ZBTB38: variants seen among roughly 807,000 people sequenced by gnomAD.
The protein encoded by ZBTB38 is zinc finger and BTB domain-containing protein 38.
ZBTB38 carries 20 observed loss-of-function variants against 76.8 expected under a neutral mutation model. The ratio of observed to expected loss-of-function variants is 0.26; its 90% confidence interval spans 0.18 to 0.38. The LOEUF (loss-of-function observed/expected upper bound fraction) is 0.38. ZBTB38 is among the 10% of genes least tolerant of loss of function. ZBTB38 has a pLI of 1.00. For missense variants in ZBTB38, 1,082 were observed against 1,482.3 expected, an observed-to-expected ratio of 0.73 and a Z score of 4.43; for synonymous variants, 504 against 544.2, an observed-to-expected ratio of 0.93 and a Z score of 1.03.
chr3:141,391,126 C>T (rs1455747317), intron 4 of ZBTB38, among the ~76,000 whole-genome samples: 1 of 151,812 alleles, frequency 6.6e-6, no homozygotes, highest in Non-Finnish European at 1.5e-5. Flanking sequence ...TACTACTGCA[C>T]TCCAGCCTGG....
intron 1 of ZBTB38, among the ~76,000 whole-genome samples, chr3:141,355,202 G>C (rs1473601782): frequency 6.6e-6 from 1 of 152,024 alleles, no homozygotes; most frequent in Non-Finnish European, 1.5e-5. Context: ...TGGGTAACAG[G>C]TAAGAATGCT....
At chr3:141,426,248 C>G (rs2076357224) in intron 5 of ZBTB38, 12 of 1,200,172 alleles carry the variant, frequency 1.0e-5, no homozygotes, top group Non-Finnish European at 1.3e-5. Context: ...CAGCAGGATG[C>G]AAAAGCACAC....
At chr3:141,360,142 C>G (rs11925260) in intron 1 of ZBTB38, among the ~76,000 whole-genome samples, 4,225 of 152,286 alleles carry the variant, frequency 0.028, 73 homozygotes, top group African/African-American at 0.038. Context: ...GAACCAAGCT[C>G]TCTACAAAAG....
chr3:141,436,635 C>G (rs745937480), intron 5 of ZBTB38, among the ~76,000 whole-genome samples: 1 of 152,084 alleles, frequency 6.6e-6, no homozygotes, highest in African/African-American at 2.4e-5. Flanking sequence ...GTAGCTGGGA[C>G]TACAGGCACT....
chr3:141,404,359 T>C (rs1289117091), intron 5 of ZBTB38, among the ~76,000 whole-genome samples: 1 of 152,134 alleles, frequency 6.6e-6, no homozygotes, highest in Non-Finnish European at 1.5e-5. Flanking sequence ...CCCGGAGAGT[T>C]TAAATGACTC....
At chr3:141,396,857 A>G (rs1417265323) in intron 4 of ZBTB38, among the ~76,000 whole-genome samples, 1 of 152,236 alleles carries the variant, frequency 6.6e-6, no homozygotes, top group Non-Finnish European at 1.5e-5. Context: ...TGGGCTTAAA[A>G]TATTCACTAA....
chr3:141,345,268 CT>C (rs879866094), intron 1 of ZBTB38, among the ~76,000 whole-genome samples: 279 of 144,002 alleles, frequency 1.9e-3, no homozygotes, highest in Middle Eastern at 3.5e-3. Flanking sequence ...GATGGCAGAA[CT>C]TTTTTTTTTT....
chr3:141,354,019 C>G (rs1207990673), intron 1 of ZBTB38, among the ~76,000 whole-genome samples: 2 of 152,168 alleles, frequency 1.3e-5, no homozygotes, highest in African/African-American at 4.8e-5. Flanking sequence ...CTCAGGCCCT[C>G]TTGGTTGGAC....
Position 141,369,896 on chromosome 3 carries a change from G to C in ZBTB38, c.-285G>C, listed in dbSNP as rs532264764. ...GGTTGTCTTGAAGTGAGGCTCTGCT[G>C]TAGTCCTGTTCTTCTGGCTCTAAGA... On this transcript the variant is annotated 5_prime_UTR_variant, in exon 2 of 6. Transcript: ENST00000321464. 1 of 152,324 alleles carries C rather than the reference G, an allele frequency of 6.6e-6. No individual in the cohort carries two copies. The highest frequency in any genetic ancestry group is 1.9e-4 in the East Asian group (1 of 5,188). 9.4% of individuals were successfully genotyped at this position (152,324 alleles called of 1,614,324 possible).
At chr3:141,325,041 C>A (rs1379692269) in intron 1 of ZBTB38, among the ~76,000 whole-genome samples, 3 of 152,148 alleles carry the variant, frequency 2.0e-5, no homozygotes, top group Non-Finnish European at 4.4e-5. Context: ...TTTTCAAAAG[C>A]AAACTAAAAC....
At chr3:141,338,129 G>A (rs981708325) in intron 1 of ZBTB38, among the ~76,000 whole-genome samples, 1 of 152,134 alleles carries the variant, frequency 6.6e-6, no homozygotes, top group Non-Finnish European at 1.5e-5. Context: ...TTATTAAAAA[G>A]TCTAAAAATA....
In ZBTB38 at chr3:141,442,298, A is replaced by G. The variant is rs752714363; in HGVS notation, c.1-91A>G. 6.2e-5 allele frequency: 60 copies of G among 967,362 alleles called. No homozygotes were observed. Among genetic ancestry groups the G allele is most frequent in the Non-Finnish European group, 8.4e-5 (54 of 643,050 alleles). 59.9% of individuals were successfully genotyped at this position (967,362 alleles called of 1,614,324 possible). ...ATAAAAACCTGAAGTTTCATACAAAAGAACAGTTTTTCACAGAAGTGGAAA... is the reference window on the plus strand; with the variant it reads ...ATAAAAACCTGAAGTTTCATACAAAGGAACAGTTTTTCACAGAAGTGGAAA... On this transcript the variant is annotated intron_variant, in intron 5 of 5. Coordinates refer to ENST00000321464, the MANE Select transcript of ZBTB38 (RefSeq NM_001376113.1). This position sits in a 1 kb window ranked among gnomAD's most constrained non-coding sequence, Gnocchi z 6.4.
At chr3:141,415,521 G>A (rs762042916) in intron 5 of ZBTB38, among the ~76,000 whole-genome samples, 20 of 152,282 alleles carry the variant, frequency 1.3e-4, no homozygotes, top group Admixed American at 1.1e-3. Flanking sequence ...CCCCAGACCC[G>A]CTGTGTCAGA....
At chr3:141,359,397 G>A (rs766054996) in intron 1 of ZBTB38, among the ~76,000 whole-genome samples, 1 of 152,202 alleles carries the variant, frequency 6.6e-6, no homozygotes, top group African/African-American at 2.4e-5. Flanking sequence ...CCTTAGTTGC[G>A]AGGTAGGCTG....
chr3:141,400,084 AC>A (rs1377929754), intron 4 of ZBTB38, among the ~76,000 whole-genome samples: 5 of 151,316 alleles, frequency 3.3e-5, no homozygotes, highest in Non-Finnish European at 7.4e-5. Flanking sequence ...AAAATGATAA[AC>A]TTTTACAGAA....
At chr3:141,400,833 G>A (rs1398602301) in intron 4 of ZBTB38, among the ~76,000 whole-genome samples, 1 of 152,232 alleles carries the variant, frequency 6.6e-6, no homozygotes, top group Non-Finnish European at 1.5e-5. Flanking sequence ...CACGGGAGTT[G>A]AGCTAACTTG....
chr3:141,441,392 G>T (rs557746048), intron 5 of ZBTB38, among the ~76,000 whole-genome samples: 1 of 152,280 alleles, frequency 6.6e-6, no homozygotes, highest in Non-Finnish European at 1.5e-5. Flanking sequence ...TCTTGTCAAA[G>T]GACTTAGAAA....
At chr3:141,399,987 CTTTTTTTTTTTTT>C (rs557587979) in intron 4 of ZBTB38, among the ~76,000 whole-genome samples, 1 of 80,464 alleles carries the variant, frequency 1.2e-5, no homozygotes, top group East Asian at 3.9e-4. Context: ...GAAAGTCTTG[CTTTTTTTTTTTTT>C]TTTTTTTTTG....
At chr3:141,350,812 A>G (rs1943492293) in intron 1 of ZBTB38, among the ~76,000 whole-genome samples, 1 of 152,210 alleles carries the variant, frequency 6.6e-6, no homozygotes, top group Admixed American at 6.5e-5. Flanking sequence ...GATAAAATTC[A>G]AATTTTCATT....
Sources: allele counts gnomAD v4.1 joint callset (sites outside exome capture counted in the v4.1 genomes callset), GRCh38; gene constraint gnomAD v4.1.1; non-coding constraint Gnocchi (gnomAD v3.1); transcripts MANE v1.5; gene names NCBI Gene and HGNC (gene_info 2026-07-23, HGNC 2026-07-21).